The following APBB2 variants were observed in gnomAD, a reference collection of about 807,000 sequenced individuals.
APBB2 encodes Fe65-like 1.
APBB2 carries 38 observed loss-of-function variants against 82.5 expected under a neutral mutation model. The ratio of observed to expected loss-of-function variants is 0.46; its 90% CI spans 0.36 to 0.60. The LOEUF (loss-of-function observed/expected upper bound fraction) is 0.60. Among genes scored for constraint, APBB2 ranks in the 20% least tolerant of loss-of-function variants. APBB2 has a pLI of 0.00. For synonymous variants in APBB2, 341 were observed against 368.2 expected (o/e 0.93, Z 0.85); for missense variants, 772 against 972.3 (o/e 0.79, Z 2.74).
intron 8 of APBB2, 143 bp downstream of exon 8, chr4:40,934,934 T>C (rs143180514): frequency 5.4e-6 from 4 of 736,184 alleles, no homozygotes; most frequent in Non-Finnish European, 8.8e-6. Context: ...GCAACAGGAG[T>C]GTGAGCTGAA....
At chr4:41,170,323 T>C (rs1395661515) in intron 1 of APBB2, among the ~76,000 whole-genome samples, 1 of 152,214 alleles carries the variant, frequency 6.6e-6, no homozygotes, top group Non-Finnish European at 1.5e-5. Flanking sequence ...ATTCCCACAT[T>C]TGCATTCATA....
In APBB2 at chr4:40,825,902, C is replaced by T. The variant is rs761351238; in HGVS notation, c.1801G>A (p.Val601Ile). 3.1e-6 allele frequency: 5 copies of T among 1,613,946 alleles called. No individual in the cohort carries two copies. The highest frequency in any genetic ancestry group is 4.2e-6 in the Non-Finnish European group (5 of 1,179,940). Residue 601 changes from valine to isoleucine, a missense_variant, in exon 15 of 18, where the codon GTA becomes ATA. Physicochemically the swap from Val to Ile is conservative, Grantham distance 29 (BLOSUM62 3). Transcript: ENST00000508593. The part of the protein sequence containing the change: ...FHVQYLGMLP[V>I]DKPVGMDILN... ...TTTCACATACCGACTGGTTTGTCTA[C>T]AGGTAACATGCCCAAGTACTGCACG... is the stretch of plus-strand genomic sequence containing the variant.
intron 15 of APBB2, chr4:40,825,658 T>C (rs924133961): frequency 2.0e-6 from 1 of 505,180 alleles, no homozygotes; most frequent in Non-Finnish European, 3.6e-6. Context: ...CACGTCTGTA[T>C]TGCTAAAGTC....
intron 10 of APBB2, among the ~76,000 whole-genome samples, chr4:40,895,850 T>C (rs1173202934): frequency 6.6e-6 from 1 of 152,212 alleles, no homozygotes; most frequent in South Asian, 2.1e-4. Flanking sequence ...TTGAGGTTGA[T>C]ACTAAGTTAC....
chr4:41,173,360 G>A (rs976873585), intron 1 of APBB2, among the ~76,000 whole-genome samples: 2 of 152,150 alleles, frequency 1.3e-5, no homozygotes, highest in Non-Finnish European at 2.9e-5. Flanking sequence ...CTGGACCCAG[G>A]CAATATTCTC....
chr4:40,934,843 G>A (rs1419555899), intron 8 of APBB2, 144 bp from the exon 9 acceptor site: 1 of 704,042 alleles, frequency 1.4e-6, no homozygotes, highest in Non-Finnish European at 2.4e-6. Context: ...AAGGACTGTT[G>A]AATGCTGACT....
chr4:40,998,516 A>T (rs1387180926), intron 6 of APBB2, among the ~76,000 whole-genome samples: 4 of 152,202 alleles, frequency 2.6e-5, no homozygotes, highest in African/African-American at 9.7e-5. Context: ...TGCCTGAACA[A>T]CTATTAAAAT....
chr4:40,969,566 T>C (rs1211668770), intron 6 of APBB2, among the ~76,000 whole-genome samples: 1 of 152,222 alleles, frequency 6.6e-6, no homozygotes, highest in Non-Finnish European at 1.5e-5. Context: ...AGTGAAAATA[T>C]GGAGCCAAAG....
intron 1 of APBB2, among the ~76,000 whole-genome samples, chr4:41,160,109 A>G (rs1764764828): frequency 6.6e-6 from 1 of 152,160 alleles, no homozygotes; most frequent in Admixed American, 6.5e-5. Flanking sequence ...GATGAAAAAC[A>G]AGGCCACGGA....
At chr4:40,877,288 T>A (rs1465280151) in intron 12 of APBB2, among the ~76,000 whole-genome samples, 1 of 152,232 alleles carries the variant, frequency 6.6e-6, no homozygotes, top group Non-Finnish European at 1.5e-5. Context: ...CTAGCCTAGG[T>A]TAGCCAAGGT....
chr4:40,814,858 A>G lies in APBB2; in HGVS notation c.*1234T>C, dbSNP rs529858538. ...ACTCCTGTGTAGACTTTGCTCAGGT[A>G]TGAACATTTCAAATCTTCAAAGTAA... is the stretch of plus-strand genomic sequence containing the variant. On this transcript the variant is annotated 3_prime_UTR_variant, in exon 18 of 18. Transcript: ENST00000508593. The G allele has an allele frequency of 6.6e-6, 1 of 152,366 alleles. No individual in the cohort carries two copies. Among genetic ancestry groups the G allele is most frequent in the African/African-American group, 2.4e-5 (1 of 41,590 alleles). The allele number at this position is 152,366 out of a possible 1,614,324, so 9.4% of individuals were successfully genotyped here.
intron 6 of APBB2, among the ~76,000 whole-genome samples, chr4:40,955,243 A>G (rs566660142): frequency 6.6e-6 from 1 of 152,324 alleles, no homozygotes; most frequent in Admixed American, 6.5e-5. Flanking sequence ...GGACAAGAGA[A>G]CAGCATTTCT....
rs566216381 is a variant in APBB2 at position 41,147,334 on chromosome 4, G to C, written c.-416-4192C>G. On this transcript the variant is annotated intron_variant, in intron 1 of 17. Transcript: ENST00000508593. ...TCAACAGAAGACTAAACAGAAATGA[G>C]AACTGGATTTGATTCATAGATTGTG... is the stretch of plus-strand genomic sequence containing the variant. Among the ~76,000 whole-genome samples the C allele has an allele frequency of 9.9e-5, 15 of 152,226 alleles. 1 individual carries two copies. In the East Asian group the frequency reaches 2.9e-3, roughly 29 times the overall value.
rs369213599 is a variant in APBB2 at position 41,017,279 on chromosome 4, CA to C, written c.20-2882del. On this transcript the variant is annotated intron_variant, in intron 5 of 17. Coordinates refer to ENST00000508593, the MANE Select transcript of APBB2 (RefSeq NM_004307.2). Reference sequence around the variant, plus strand: ...ATTAAATAATGGTATCATGTGGAGGCAAAAGAAAAAGTTCAATTCTAGAGCT... The same window carrying C: ...ATTAAATAATGGTATCATGTGGAGGCAAAGAAAAAGTTCAATTCTAGAGCT... 1.7e-3 allele frequency among the ~76,000 whole-genome samples: 264 copies of C among 152,116 alleles called. 1 individual carries two copies. Among genetic ancestry groups the C allele is most frequent in the African/African-American group, 6.2e-3 (256 of 41,492 alleles).
At chr4:41,111,378 G>A (rs990187256) in intron 2 of APBB2, among the ~76,000 whole-genome samples, 17 of 152,176 alleles carry the variant, frequency 1.1e-4, no homozygotes, top group African/African-American at 3.6e-4. Context: ...TGTCTGTGGT[G>A]GAGCCCAAGA....
At chr4:40,964,753 A>AACACACACACACACACACACACAAACAC (rs1794196620) in intron 6 of APBB2, among the ~76,000 whole-genome samples, 1 of 139,666 alleles carries the variant, frequency 7.2e-6, no homozygotes, top group East Asian at 2.2e-4. Context: ...CCATTGAATA[A>AACACACACACACACACACACACAAACAC]ACACACACAC....
At chr4:40,935,240 T>A (rs1260228725) in intron 7 of APBB2, 101 bp from the exon 8 acceptor site, 1 of 862,762 alleles carries the variant, frequency 1.2e-6, no homozygotes, top group Non-Finnish European at 1.8e-6. Context: ...TTAGCATTGA[T>A]ATTCACAAGA....
chr4:40,960,982 C>T (rs144535135), intron 6 of APBB2, among the ~76,000 whole-genome samples: 114 of 149,894 alleles, frequency 7.6e-4, no homozygotes, highest in Admixed American at 1.9e-3. Flanking sequence ...AAAAAGCAGT[C>T]GGGCATACTT....
At chr4:41,102,379 A>G (rs1192777175) in intron 2 of APBB2, among the ~76,000 whole-genome samples, 1 of 152,222 alleles carries the variant, frequency 6.6e-6, no homozygotes, top group East Asian at 1.9e-4. Flanking sequence ...TACTTCAGAT[A>G]GGGACAAGCA....
Sources: gnomAD v4.1 joint callset for allele counts (sites outside exome capture counted in the v4.1 genomes callset) on GRCh38, gnomAD v4.1.1 for gene constraint, MANE v1.5 for transcripts, NCBI Gene and HGNC (gene_info 2026-07-23, HGNC 2026-07-21) for gene names.